ISM1: variants seen among roughly 807,000 people sequenced by gnomAD.
The protein encoded by ISM1 is isthmin-1.
Under a neutral mutation model 46.3 loss-of-function variants are expected in ISM1, and 25 were observed. That is an observed-to-expected ratio of 0.54 (90% confidence interval 0.39 to 0.75). The LOEUF is 0.75. Ranked by LOEUF, ISM1 falls within the 30% of genes least tolerant of loss-of-function variation. The pLI is 0.00. For missense variants in ISM1, 536 were observed against 625.4 expected (o/e 0.86, Z 1.52); for synonymous variants, 255 against 256.7 (o/e 0.99, Z 0.06).
intron 3 of ISM1, among the ~76,000 whole-genome samples, chr20:13,282,057 C>G (rs535143570): frequency 1.3e-5 from 2 of 152,306 alleles, no homozygotes; most frequent in East Asian, 3.9e-4. Context: ...TCCGTTTGAA[C>G]AAGCCCTCCA....
chr20:13,309,268 G>A, the ISM1 span, among the ~76,000 whole-genome samples: 3,604 of 151,614 alleles, frequency 0.024, 47 homozygotes, highest in Non-Finnish European at 0.03. Context: ...ATACTTTAGA[G>A]GTAACATTTT....
At chr20:13,289,691 G>A (rs1040865237) in intron 4 of ISM1, among the ~76,000 whole-genome samples, 1 of 150,850 alleles carries the variant, frequency 6.6e-6, no homozygotes, top group African/African-American at 2.4e-5. Flanking sequence ...AGGAGGAAGA[G>A]GAGGAGGAAG....
At chr20:13,221,997 G>A (rs939200570) in intron 1 of ISM1, 83 bp downstream of exon 1, 32 of 1,192,902 alleles carry the variant, frequency 2.7e-5, no homozygotes, top group Non-Finnish European at 3.3e-5. Context: ...CCGGGTGGAT[G>A]CAGGGAGGCA....
intron 1 of ISM1, among the ~76,000 whole-genome samples, chr20:13,236,382 A>C (rs931257378): frequency 2.0e-5 from 3 of 152,178 alleles, no homozygotes; most frequent in African/African-American, 7.2e-5. Context: ...AATTGCCTCC[A>C]CCTGGGTCCT....
chr20:13,295,475 C>T (rs1048169157), intron 5 of ISM1, among the ~76,000 whole-genome samples: 2 of 152,160 alleles, frequency 1.3e-5, no homozygotes, highest in Non-Finnish European at 2.9e-5. Context: ...CAGATTTTTT[C>T]CTGCATAACC....
intron 2 of ISM1, among the ~76,000 whole-genome samples, chr20:13,273,029 A>G (rs2040133532): frequency 1.3e-5 from 2 of 152,202 alleles, no homozygotes; most frequent in Admixed American, 1.3e-4. Context: ...ACGCAAAGTC[A>G]TAGGAAAATG....
In ISM1 at chr20:13,221,799, T is replaced by G; in HGVS notation, c.23T>G (p.Leu8Arg). The part of the protein sequence containing the change: MVRLAAE[L>R]LLLLGLLLLT... ...AGGATGGTGCGCCTGGCGGCCGAGC[T>G]GCTGCTGCTGCTGGGGCTGCTGCTG... The change falls in exon 1 of 6, where the codon CTG becomes CGG. Residue 8 changes from leucine to arginine, a missense_variant. Physicochemically the swap from Leu to Arg is moderately radical, Grantham distance 102 (BLOSUM62 -2). This residue lies in a region of ISM1 where 367 missense variants were observed against 376.1 expected (regional missense o/e 0.98). Coordinates refer to ENST00000262487, the MANE Select transcript of ISM1 (RefSeq NM_080826.2). 1 of 1,390,250 alleles carries G rather than the reference T, an allele frequency of 7.2e-7. No homozygotes were observed. The highest frequency in any genetic ancestry group is 9.4e-7 in the Non-Finnish European group (1 of 1,066,870). The allele number at this position is 1,390,250 out of a possible 1,614,324, so 86.1% of individuals were successfully genotyped here.
At chr20:13,266,737 C>T (rs6074580) in intron 1 of ISM1, among the ~76,000 whole-genome samples, 4 of 152,230 alleles carry the variant, frequency 2.6e-5, no homozygotes, top group African/African-American at 9.6e-5. Context: ...CCAGACTTTC[C>T]TAAGGTATCA....
At chr20:13,272,776 G>T (rs1200301408) in intron 2 of ISM1, among the ~76,000 whole-genome samples, 1 of 152,200 alleles carries the variant, frequency 6.6e-6, no homozygotes, top group Non-Finnish European at 1.5e-5. Context: ...GTGCAGATTG[G>T]CAAGGAAGGC....
intron 5 of ISM1, among the ~76,000 whole-genome samples, chr20:13,296,240 G>A (rs1466882014): frequency 6.6e-6 from 1 of 152,120 alleles, no homozygotes; most frequent in Non-Finnish European, 1.5e-5. Context: ...ACCCCTCTGT[G>A]CCTTTGCCTG....
chr20:13,305,517 C>T (rs2040493414), downstream of ISM1, among the ~76,000 whole-genome samples: 1 of 152,138 alleles, frequency 6.6e-6, no homozygotes, highest in African/African-American at 2.4e-5. Context: ...TTTACAATTT[C>T]CAATGGAAAA....
chr20:13,249,942 T>G (rs1430809630), intron 1 of ISM1, among the ~76,000 whole-genome samples: 1 of 152,228 alleles, frequency 6.6e-6, no homozygotes, highest in Non-Finnish European at 1.5e-5. Flanking sequence ...AAAGGCTTAA[T>G]GTAATGTTTC....
intron 5 of ISM1, among the ~76,000 whole-genome samples, chr20:13,297,240 C>T (rs1000739144): frequency 1.3e-5 from 2 of 152,108 alleles, no homozygotes; most frequent in African/African-American, 4.8e-5. Flanking sequence ...TCCTAACCTT[C>T]ACTGTTTTCC....
At chr20:13,240,437 A>T (rs1044495490) in intron 1 of ISM1, among the ~76,000 whole-genome samples, 2 of 152,200 alleles carry the variant, frequency 1.3e-5, no homozygotes, top group Admixed American at 1.3e-4. Context: ...CTCTGCAAAG[A>T]ACTCAGGAGA....
intron 1 of ISM1, among the ~76,000 whole-genome samples, chr20:13,262,584 A>G (rs1277888078): frequency 6.6e-6 from 1 of 152,034 alleles, no homozygotes; most frequent in Non-Finnish European, 1.5e-5. Flanking sequence ...AACAGGACAT[A>G]AAAGAAATCG....
At chr20:13,304,544 C>G (rs1256424556), downstream of ISM1, among the ~76,000 whole-genome samples, 1 of 152,224 alleles carries the variant, frequency 6.6e-6, no homozygotes, top group African/African-American at 2.4e-5. Context: ...GCCCAACTTT[C>G]AAGCAGCAGC....
At chr20:13,304,809 G>A (rs2040487269), downstream of ISM1, among the ~76,000 whole-genome samples, 1 of 152,140 alleles carries the variant, frequency 6.6e-6, no homozygotes, top group Non-Finnish European at 1.5e-5. Context: ...TTGAGTTCCA[G>A]TTGCCTATAG....
chr20:13,268,910 T>A (rs243897), intron 1 of ISM1, among the ~76,000 whole-genome samples: 45,741 of 151,896 alleles, frequency 0.3, 7,231 homozygotes, highest in East Asian at 0.57. Flanking sequence ...CAAGACCCTG[T>A]CTCTAAAAAA....
chr20:13,266,853 C>T (rs6033654), intron 1 of ISM1, among the ~76,000 whole-genome samples: 96 of 152,102 alleles, frequency 6.3e-4, no homozygotes, highest in Non-Finnish European at 4.0e-4. Context: ...GAATAATTCA[C>T]GTGGAATACT....
Sources: gnomAD v4.1 joint callset for allele counts (sites outside exome capture counted in the v4.1 genomes callset) on GRCh38, gnomAD v4.1.1 for gene constraint, gnomAD v4.1.1 regional missense constraint, MANE v1.5 for transcripts, NCBI Gene and HGNC (gene_info 2026-07-23, HGNC 2026-07-21) for gene names.